Variants in KCNQ1OT1 observed in about 807,000 individuals in gnomAD.
KCNQ1OT1 encodes KCNQ1 opposite strand/antisense transcript 1.
chr11:2,655,710 C>T (rs1466766183), exon 1 of KCNQ1OT1: 4 of 395,982 alleles, frequency 1.0e-5, no homozygotes, highest in Non-Finnish European at 1.8e-5. Flanking sequence ...CCATGCTCTC[C>T]TAGATGCCTG....
rs917830516 is a variant in KCNQ1OT1 at position 2,630,148 on chromosome 11, C to T, written n.69847G>A. ...ATGGAAGGATGTTGAATTATGTGAA[C>T]TGCATTATTTGCACTTATCAAAATG... On this transcript the variant is annotated non_coding_transcript_exon_variant, in exon 1 of 1. Transcript: ENST00000597346. The T allele has an allele frequency of 5.0e-5, 20 of 398,286 alleles. No homozygotes were observed. The East Asian group carries it at 7.1e-4, about 14-fold the overall frequency. 24.7% of individuals were successfully genotyped at this position (398,286 alleles called of 1,614,324 possible).
At chr11:2,610,716 C>CTTTTTTTTTTTTTTT (rs1167505141) in exon 1 of KCNQ1OT1, 30 of 230,168 alleles carry the variant, frequency 1.3e-4, no homozygotes, top group Admixed American at 3.1e-4. Flanking sequence ...TCTTGGTTGG[C>CTTTTTTTTTTTTTTT]TTTTTTTTTT....
rs1850151581 is a variant in KCNQ1OT1 at position 2,669,996 on chromosome 11, G to C, written n.29999C>G. On this transcript the variant is annotated non_coding_transcript_exon_variant, in exon 1 of 1. Coordinates refer to ENST00000597346, the Ensembl canonical transcript of KCNQ1OT1. The surrounding 1 kb of genome is among the most constrained non-coding windows in gnomAD (Gnocchi z 5.6). The stretch of plus-strand genomic sequence containing the variant: ...AGTCACAACCTCAAATCTCGGAATG[G>C]GGTTCAGGAGCTGTTGGGGTCCCGT... The C allele has an allele frequency of 2.5e-6, 1 of 398,548 alleles. No individual in the cohort carries two copies. Among genetic ancestry groups the C allele is most frequent in the Non-Finnish European group, 4.4e-6 (1 of 226,144 alleles). 24.7% of individuals were successfully genotyped at this position (398,548 alleles called of 1,614,324 possible). A position where few individuals can be genotyped will look rare whatever the true frequency, so the allele number is the denominator to read the frequency against.
chr11:2,680,448 G>A (rs1850376599), exon 1 of KCNQ1OT1: 3 of 398,118 alleles, frequency 7.5e-6, no homozygotes, highest in South Asian at 1.3e-4. Context: ...ATTCATTTCT[G>A]GGTATTTTTA....
rs1421941862 is a variant in KCNQ1OT1 at position 2,659,680 on chromosome 11, C to T, written n.40315G>A. 1.8e-5 allele frequency: 7 copies of T among 398,334 alleles called. No individual in the cohort carries two copies. Among genetic ancestry groups the T allele is most frequent in the South Asian group, 1.3e-4 (1 of 7,856 alleles). The allele number at this position is 398,334 out of a possible 1,614,324, so 24.7% of individuals were successfully genotyped here. The stretch of plus-strand genomic sequence containing the variant: ...TTAATAAGAAATTGCTAAACTATTT[C>T]CTAAAGTCACTGTGCCATTTTGCAT... On this transcript the variant is annotated non_coding_transcript_exon_variant, in exon 1 of 1. Transcript: ENST00000597346. The surrounding 1 kb of genome is among the most constrained non-coding windows in gnomAD (Gnocchi z 4.3).
At chr11:2,681,735 C>A (rs971977975) in exon 1 of KCNQ1OT1, 1 of 398,022 alleles carries the variant, frequency 2.5e-6, no homozygotes, top group Non-Finnish European at 4.4e-6. Context: ...ATTGTGGGCA[C>A]TGATCACACA....
In KCNQ1OT1 at chr11:2,678,343, CT is replaced by C. The variant is rs776498184; in HGVS notation, n.21651del. On this transcript the variant is annotated non_coding_transcript_exon_variant, in exon 1 of 1. Transcript: ENST00000597346. The surrounding 1 kb of genome is among the most constrained non-coding windows in gnomAD (Gnocchi z 4.9). Reference sequence around the variant, plus strand: ...TTCATTTTTTACATTTAAATCCTTGCTTTATCGGGATTTTGACAGAGTAATT... The same window carrying C: ...TTCATTTTTTACATTTAAATCCTTGCTTATCGGGATTTTGACAGAGTAATT... 3 of 398,344 alleles carry C rather than the reference CT, an allele frequency of 7.5e-6. No individual in the cohort carries two copies. Among genetic ancestry groups the C allele is most frequent in the Non-Finnish European group, 1.3e-5 (3 of 226,032 alleles). 24.7% of individuals were successfully genotyped at this position (398,344 alleles called of 1,614,324 possible).
chr11:2,662,994 C>A (rs1406191931), exon 1 of KCNQ1OT1: 1 of 398,594 alleles, frequency 2.5e-6, no homozygotes, highest in East Asian at 3.6e-5. Context: ...CAAGGCCTGG[C>A]CTTGCAAATC....
chr11:2,661,897 G>C lies in KCNQ1OT1; in HGVS notation n.38098C>G. On this transcript the variant is annotated non_coding_transcript_exon_variant, in exon 1 of 1. Coordinates refer to ENST00000597346, the Ensembl canonical transcript of KCNQ1OT1. This position sits in a 1 kb window ranked among gnomAD's most constrained non-coding sequence, Gnocchi z 5.9. Reference sequence around the variant, plus strand: ...CCTGGCCCTGGGAGCTCACAGGCCTGGCTCCACAGCACTGGCAGGTTGGGT... The same window carrying C: ...CCTGGCCCTGGGAGCTCACAGGCCTCGCTCCACAGCACTGGCAGGTTGGGT... 6.2e-7 allele frequency: 1 copy of C among 1,609,530 alleles called. No individual in the cohort carries two copies. Among genetic ancestry groups the C allele is most frequent in the Admixed American group, 1.7e-5 (1 of 60,008 alleles).
chr11:2,661,349 A>G lies in KCNQ1OT1; in HGVS notation n.38646T>C, dbSNP rs1849952685. 1 of 405,122 alleles carries G rather than the reference A, an allele frequency of 2.5e-6. No individual in the cohort carries two copies. Among genetic ancestry groups the G allele is most frequent in the Non-Finnish European group, 4.4e-6 (1 of 229,508 alleles). 25.1% of individuals were successfully genotyped at this position (405,122 alleles called of 1,614,324 possible). On this transcript the variant is annotated non_coding_transcript_exon_variant, in exon 1 of 1. Transcript: ENST00000597346. The surrounding 1 kb of genome is among the most constrained non-coding windows in gnomAD (Gnocchi z 5.9). ...ATCAGTATCCTGAGCTCCTGTGTCA[A>G]AGTTGCAGAGGTGGGCCCAGGAATC...
exon 1 of KCNQ1OT1, chr11:2,644,431 C>G (rs545433265): frequency 1.3e-5 from 5 of 398,198 alleles, no homozygotes; most frequent in African/African-American, 6.2e-5. Context: ...CTGTTTGGTT[C>G]TTTTTATATC....
Position 2,623,442 on chromosome 11 carries a change from AC to A in KCNQ1OT1, n.76552del, listed in dbSNP as rs1849207897. 2.5e-6 allele frequency: 1 copy of A among 398,274 alleles called. No homozygotes were observed. The highest frequency in any genetic ancestry group is 4.4e-6 in the Non-Finnish European group (1 of 226,042). The allele number at this position is 398,274 out of a possible 1,614,324, so 24.7% of individuals were successfully genotyped here. A position where few individuals can be genotyped will look rare whatever the true frequency, so the allele number is the denominator to read the frequency against. On this transcript the variant is annotated non_coding_transcript_exon_variant, in exon 1 of 1. Transcript: ENST00000597346. The surrounding 1 kb of genome is among the most constrained non-coding windows in gnomAD (Gnocchi z 5.2). ...CCTATTCAACCCTTCTTCCCCAACAACCCTTGGCAACCACTGAACTTTTTAC... is the reference window on the plus strand; with the variant it reads ...CCTATTCAACCCTTCTTCCCCAACAACCTTGGCAACCACTGAACTTTTTAC...
exon 1 of KCNQ1OT1, chr11:2,662,795 C>A: frequency 2.5e-6 from 1 of 399,102 alleles, no homozygotes; most frequent in South Asian, 1.3e-4. Flanking sequence ...GTCTTTGTGT[C>A]AAGATCTGTG....
Position 2,686,778 on chromosome 11 carries a change from C to T in KCNQ1OT1, n.13217G>A, listed in dbSNP as rs919601709. 2.8e-5 allele frequency: 11 copies of T among 398,688 alleles called. No individual in the cohort carries two copies. The East Asian group carries it at 3.2e-4, about 12-fold the overall frequency. 24.7% of individuals were successfully genotyped at this position (398,688 alleles called of 1,614,324 possible). On this transcript the variant is annotated non_coding_transcript_exon_variant, in exon 1 of 1. Coordinates refer to ENST00000597346, the Ensembl canonical transcript of KCNQ1OT1. ...TTGTAAATGTGCATCCCCTGTGATACACTATGATGCACAAGCAGCCCCTGC... is the reference window on the plus strand; with the variant it reads ...TTGTAAATGTGCATCCCCTGTGATATACTATGATGCACAAGCAGCCCCTGC...
exon 1 of KCNQ1OT1, chr11:2,640,209 C>G (rs1849551393): frequency 2.5e-6 from 1 of 393,452 alleles, no homozygotes; most frequent in African/African-American, 2.1e-5. Flanking sequence ...GCTGCACCCA[C>G]TGTCCTGTAC....
In KCNQ1OT1 at chr11:2,698,844, C is replaced by T. The variant is rs535445132; in HGVS notation, n.1151G>A. ...TGAGGCCCTACCTAAAACCACCATG[C>T]GGACTCCAGACCCGGACTGACTGGG... On this transcript the variant is annotated non_coding_transcript_exon_variant, in exon 1 of 1. Transcript: ENST00000597346. The surrounding 1 kb of genome is among the most constrained non-coding windows in gnomAD (Gnocchi z 5.1). 12 of 398,790 alleles carry T rather than the reference C, an allele frequency of 3.0e-5. No homozygotes were observed. The South Asian group carries it at 1.1e-3, about 38-fold the overall frequency. 24.7% of individuals were successfully genotyped at this position (398,790 alleles called of 1,614,324 possible).
exon 1 of KCNQ1OT1, chr11:2,655,952 G>T (rs1033850803): frequency 2.8e-5 from 11 of 398,582 alleles, no homozygotes; most frequent in Non-Finnish European, 4.4e-5. Flanking sequence ...TCTCTGGCAG[G>T]TGCAGGTCCC....
chr11:2,609,446 T>TC, exon 1 of KCNQ1OT1: 2 of 398,458 alleles, frequency 5.0e-6, no homozygotes, highest in Non-Finnish European at 8.9e-6. Flanking sequence ...TAGCATATGG[T>TC]CCTTCTTGGA....
At chr11:2,629,493 A>C in exon 1 of KCNQ1OT1, 1 of 398,380 alleles carries the variant, frequency 2.5e-6, no homozygotes, top group Non-Finnish European at 4.4e-6. Context: ...GTCCACTTTG[A>C]GTTAATTTTT....
Sources: allele counts gnomAD v4.1 joint callset, GRCh38; gene constraint gnomAD v4.1.1; non-coding constraint Gnocchi (gnomAD v3.1); transcripts MANE v1.5; gene names NCBI Gene and HGNC (gene_info 2026-07-23, HGNC 2026-07-21).